SDK2: variants seen among roughly 807,000 people sequenced by gnomAD.
SDK2 encodes protein sidekick-2.
A neutral mutation model predicts 253.9 loss-of-function variants in SDK2; 105 were observed. The ratio of observed to expected loss-of-function variants is 0.41; its 90% CI spans 0.35 to 0.49. The LOEUF is 0.49. Among genes scored for constraint, SDK2 ranks in the 20% least tolerant of loss-of-function variants. The probability of loss-of-function intolerance (pLI) is 0.06; values close to 1 mark genes in which losing one functional copy is unlikely to be tolerated. For synonymous variants in SDK2, 1,249 were observed against 1,234.9 expected, an observed-to-expected ratio of 1.01 and a Z score of -0.24; for missense variants, 2,608 against 3,003.0, an observed-to-expected ratio of 0.87 and a Z score of 3.07.
chr17:73,403,955 T>C (rs2063050153), intron 18 of SDK2, among the ~76,000 whole-genome samples: 1 of 152,254 alleles, frequency 6.6e-6, no homozygotes, highest in African/African-American at 2.4e-5. Context: ...TTAGAATTAA[T>C]TGTGTGGTGT....
chr17:73,423,556 G>C (rs1234342249), intron 13 of SDK2, 34 bp from the exon 14 acceptor site: 1 of 1,495,374 alleles, frequency 6.7e-7, no homozygotes, highest in Non-Finnish European at 9.0e-7. Flanking sequence ...GCATCCCTAT[G>C]TGGTCTGCAG....
intron 2 of SDK2, among the ~76,000 whole-genome samples, chr17:73,491,844 C>T (rs557889326): frequency 1.1e-4 from 17 of 152,320 alleles, no homozygotes; most frequent in Non-Finnish European, 7.4e-5. Flanking sequence ...GACCCGCCTG[C>T]GAGCCGCCAT....
chr17:73,528,169 C>A (rs1221141644), intron 1 of SDK2, among the ~76,000 whole-genome samples: 4 of 152,118 alleles, frequency 2.6e-5, no homozygotes, highest in African/African-American at 9.7e-5. Context: ...GGTGTGGAGC[C>A]ATCAGTTAGC....
chr17:73,441,701 G>T (rs2063417326), intron 5 of SDK2, among the ~76,000 whole-genome samples: 1 of 152,188 alleles, frequency 6.6e-6, no homozygotes, highest in Non-Finnish European at 1.5e-5. Context: ...CAGACTTCTG[G>T]CCTCCAGAAC....
chr17:73,462,781 A>G (rs1306148000), intron 3 of SDK2, among the ~76,000 whole-genome samples: 1 of 152,100 alleles, frequency 6.6e-6, no homozygotes, highest in East Asian at 1.9e-4. Flanking sequence ...CCTTTCCTCC[A>G]CTTCTCCACT....
At chr17:73,416,094 G>T in intron 16 of SDK2, 102 bp from the exon 17 acceptor site, 1 of 1,059,150 alleles carries the variant, frequency 9.4e-7, no homozygotes, top group Non-Finnish European at 1.4e-6. Flanking sequence ...ACTTCCGGTG[G>T]TGGCGGAAGT....
intron 2 of SDK2, among the ~76,000 whole-genome samples, chr17:73,503,905 G>C (rs1217946836): frequency 6.6e-6 from 1 of 152,164 alleles, no homozygotes; most frequent in African/African-American, 2.4e-5. Context: ...GGCAGCTATA[G>C]CTTGTGAGCC....
chr17:73,515,977 G>A (rs967957988), intron 1 of SDK2, among the ~76,000 whole-genome samples: 9 of 152,180 alleles, frequency 5.9e-5, no homozygotes, highest in Non-Finnish European at 1.2e-4. Context: ...ACAAACCATT[G>A]GGGGTGACCA....
chr17:73,410,230 T>C (rs35943106), intron 18 of SDK2, among the ~76,000 whole-genome samples: 32,011 of 152,166 alleles, frequency 0.21, 3,855 homozygotes, highest in African/African-American at 0.33. Flanking sequence ...GACACTGTGT[T>C]TGACCTTGAA....
intron 2 of SDK2, among the ~76,000 whole-genome samples, chr17:73,492,957 G>A (rs952562506): frequency 6.6e-6 from 1 of 152,210 alleles, no homozygotes; most frequent in Non-Finnish European, 1.5e-5. Context: ...CTGTGTCCTG[G>A]CTGAGAGCCA....
intron 36 of SDK2, among the ~76,000 whole-genome samples, chr17:73,377,125 T>A (rs1392007815): frequency 6.6e-6 from 1 of 151,918 alleles, no homozygotes; most frequent in Non-Finnish European, 1.5e-5. Flanking sequence ...CCGCCAAGAA[T>A]GAGAGTCAAC....
At chr17:73,479,577 T>TTAAC in intron 2 of SDK2, among the ~76,000 whole-genome samples, 1 of 152,246 alleles carries the variant, frequency 6.6e-6, no homozygotes, top group South Asian at 2.1e-4. Context: ...ATAATAACAA[T>TTAAC]ATACCATTAT....
At chr17:73,501,403 G>A (rs1432517846) in intron 2 of SDK2, among the ~76,000 whole-genome samples, 1 of 152,250 alleles carries the variant, frequency 6.6e-6, no homozygotes, top group African/African-American at 2.4e-5. Flanking sequence ...CCAGGGGAGA[G>A]GCAGGCCGTG....
At chr17:73,540,563 A>G (rs2044853200) in intron 1 of SDK2, among the ~76,000 whole-genome samples, 1 of 152,196 alleles carries the variant, frequency 6.6e-6, no homozygotes, top group Non-Finnish European at 1.5e-5. Context: ...TATATAATAT[A>G]CCCATTTTAT....
At chr17:73,611,769 C>T (rs912828634) in intron 1 of SDK2, among the ~76,000 whole-genome samples, 14 of 152,246 alleles carry the variant, frequency 9.2e-5, no homozygotes, top group African/African-American at 3.4e-4. Context: ...TTGGGACCCA[C>T]GTCCTTGCCA....
chr17:73,355,951 C>T (rs1314365090), intron 40 of SDK2, among the ~76,000 whole-genome samples: 3 of 152,182 alleles, frequency 2.0e-5, no homozygotes, highest in East Asian at 1.9e-4. Flanking sequence ...ATGATGATGA[C>T]GGTGACAACA....
At chr17:73,522,215 G>C (rs1567821107) in intron 1 of SDK2, among the ~76,000 whole-genome samples, 1 of 152,226 alleles carries the variant, frequency 6.6e-6, no homozygotes, top group Admixed American at 6.5e-5. Flanking sequence ...CTTTGCTTTG[G>C]CGGAGCTCCA....
intron 2 of SDK2, among the ~76,000 whole-genome samples, chr17:73,484,541 G>A (rs2145719377): frequency 6.6e-6 from 1 of 152,346 alleles, no homozygotes; most frequent in African/African-American, 2.4e-5. Flanking sequence ...AGGACACTGG[G>A]GCATCCAGGG....
rs752650110 is a variant in SDK2 at position 73,435,552 on chromosome 17, G to A, written c.1093C>T (p.Leu365=). 10 of 1,592,524 alleles carry A rather than the reference G, an allele frequency of 6.3e-6. No homozygotes were observed. The highest frequency in any genetic ancestry group is 8.5e-6 in the Non-Finnish European group (10 of 1,169,898). ...TCGGGCACCAGGCCGCTGATCTGCA[G>A]GCCCCCGTCGTTGCGCTGCCGGAAG... ...TRFRQRNDGG[L]QISGLVPDDT... is the part of the protein sequence containing the mutation. The change falls in exon 9 of 45, where the codon CTG becomes TTG. Residue 365 remains leucine (L), a synonymous_variant. Coordinates refer to ENST00000392650, the MANE Select transcript of SDK2 (RefSeq NM_001144952.2). This position sits in a 1 kb window ranked among gnomAD's most constrained non-coding sequence, Gnocchi z 5.7.
Sources: allele counts gnomAD v4.1 joint callset (sites outside exome capture counted in the v4.1 genomes callset), GRCh38; gene constraint gnomAD v4.1.1; non-coding constraint Gnocchi (gnomAD v3.1); transcripts MANE v1.5; gene names NCBI Gene and HGNC (gene_info 2026-07-23, HGNC 2026-07-21).